Variants in CDH23 observed in about 807,000 individuals in gnomAD.
CDH23 encodes cadherin related 23.
CDH23 carries 189 observed loss-of-function variants against 317.1 expected under a neutral mutation model. The ratio of observed to expected loss-of-function variants is 0.60; its 90% CI spans 0.53 to 0.67. The LOEUF is 0.67. CDH23 is among the 30% of genes least tolerant of loss of function. CDH23 has a pLI of 0.00. For synonymous variants in CDH23, 1,839 were observed against 1,876.8 expected, an observed-to-expected ratio of 0.98 and a Z score of 0.52; for missense variants, 4,401 against 4,592.4, an observed-to-expected ratio of 0.96 and a Z score of 1.20.
intron 66 of CDH23, 177 bp downstream of exon 66, chr10:71,812,192 AG>A: frequency 6.3e-7 from 1 of 1,583,662 alleles, no homozygotes; most frequent in Non-Finnish European, 8.6e-7. Context: ...CGTGGCTGAC[AG>A]GGGCTCTCCA....
intron 9 of CDH23, among the ~76,000 whole-genome samples, chr10:71,608,921 CAG>C (rs1476040315): frequency 2.6e-5 from 4 of 152,232 alleles, no homozygotes; most frequent in Admixed American, 6.5e-5. Flanking sequence ...AGGCAGGACT[CAG>C]GGGCTGTTAG....
Position 71,778,224 on chromosome 10 carries a change from G to C in CDH23, c.5103G>C (p.Glu1701Asp), listed in dbSNP as rs754008515. ...CTGCTGCCAAAGAGCTGGACTACGA[G>C]ATCAGCCACGGCCGCTACACCCTGA... ...VITAAKELDY[E>D]ISHGRYTLIV... The change falls in exon 40 of 70, where the codon GAG becomes GAC. Residue 1701 changes from glutamate to aspartate, a missense_variant. Physicochemically the swap from Glu to Asp is conservative, Grantham distance 45 (BLOSUM62 2). Transcript: ENST00000224721. 3 of 1,613,844 alleles carry C rather than the reference G, an allele frequency of 1.9e-6. No individual in the cohort carries two copies. Among genetic ancestry groups the C allele is most frequent in the Non-Finnish European group, 2.5e-6 (3 of 1,179,824 alleles).
chr10:71,761,800 GCCTC>G, intron 38 of CDH23: 1 of 1,614,168 alleles, frequency 6.2e-7, no homozygotes, highest in Non-Finnish European at 8.5e-7. Context: ...CAGCCTGGTG[GCCTC>G]CATGGTGCAG....
At chr10:71,756,681 C>T (rs908977781) in intron 38 of CDH23, among the ~76,000 whole-genome samples, 1 of 152,182 alleles carries the variant, frequency 6.6e-6, no homozygotes, top group African/African-American at 2.4e-5. Context: ...AACAGACGTG[C>T]CCTCAGAACC....
At chr10:71,578,746 C>A (rs1331285254) in intron 9 of CDH23, among the ~76,000 whole-genome samples, 2 of 152,190 alleles carry the variant, frequency 1.3e-5, no homozygotes, top group Admixed American at 1.3e-4. Flanking sequence ...TACACAGCCT[C>A]CCTGCCCAAC....
chr10:71,460,207 A>G (rs774841003), intron 3 of CDH23, among the ~76,000 whole-genome samples: 7 of 152,220 alleles, frequency 4.6e-5, no homozygotes, highest in Admixed American at 1.3e-4. Context: ...GAGTGGATGA[A>G]GAGGAGAAAC....
In CDH23 at chr10:71,677,713, T is replaced by G; in HGVS notation, c.1752+20T>G. 1 of 1,521,354 alleles carries G rather than the reference T, an allele frequency of 6.6e-7. No individual in the cohort carries two copies. The allele number at this position is 1,521,354 out of a possible 1,614,324, so 94.2% of individuals were successfully genotyped here. On this transcript the variant is annotated intron_variant, in intron 16 of 69. Coordinates refer to ENST00000224721, the MANE Select transcript of CDH23 (RefSeq NM_022124.6). ...CTCCGGGTAAGGTGCCAGGGAGCCC[T>G]GCACTCCTGCCATTTATCTTAGCCT...
chr10:71,710,004 C>T (rs1265024863), intron 27 of CDH23, among the ~76,000 whole-genome samples: 1 of 152,130 alleles, frequency 6.6e-6, no homozygotes, highest in Admixed American at 6.5e-5. Context: ...TCTCATGAGA[C>T]TTATTTACTA....
chr10:71,530,514 T>C (rs1855311588), intron 6 of CDH23, among the ~76,000 whole-genome samples: 1 of 152,234 alleles, frequency 6.6e-6, no homozygotes, highest in South Asian at 2.1e-4. Flanking sequence ...TGTGCTGTCA[T>C]TCTTGTTGCC....
At chr10:71,790,738 C>G in intron 46 of CDH23, 1 of 463,904 alleles carries the variant, frequency 2.2e-6, no homozygotes, top group Non-Finnish European at 3.9e-6. Context: ...CAGAAGTAGC[C>G]AGAGCGACTT....
intron 3 of CDH23, among the ~76,000 whole-genome samples, chr10:71,502,202 A>G (rs1449013893): frequency 1.3e-5 from 2 of 152,212 alleles, no homozygotes; most frequent in Non-Finnish European, 2.9e-5. Flanking sequence ...GCAGAGGCAG[A>G]CCACTAGGTT....
Position 71,777,852 on chromosome 10 carries a change from C to T in CDH23, c.5018C>T (p.Ala1673Val), listed in dbSNP as rs558052046. ...GGTCCCAACGGCACAGTCACCTATG[C>T]CATCGTCGCAGGCAACATCGTCAAC... ...DEGPNGTVTY[A>V]IVAGNIVNTF... Residue 1673 changes from alanine to valine, a missense_variant, in exon 39 of 70, where the codon GCC becomes GTC. Physicochemically the swap from Ala to Val is moderately conservative, Grantham distance 64 (BLOSUM62 0). Coordinates refer to ENST00000224721, the MANE Select transcript of CDH23 (RefSeq NM_022124.6). 5 of 1,613,944 alleles carry T rather than the reference C, an allele frequency of 3.1e-6. No individual in the cohort carries two copies. The East Asian group carries it at 1.1e-4, about 36-fold the overall frequency.
intron 9 of CDH23, among the ~76,000 whole-genome samples, chr10:71,598,805 G>A (rs1860030217): frequency 6.6e-6 from 1 of 152,272 alleles, no homozygotes; most frequent in South Asian, 2.1e-4. Context: ...GTTTCTGCCT[G>A]TGTGAGCCAA....
intron 38 of CDH23, 100 bp from the exon 39 acceptor site, chr10:71,777,580 G>A: frequency 1.0e-6 from 1 of 991,808 alleles, no homozygotes; most frequent in Non-Finnish European, 1.5e-6. Context: ...CTTTCTGTTT[G>A]AGTCACATGG....
At chr10:71,562,786 G>A (rs763998186) in intron 6 of CDH23, among the ~76,000 whole-genome samples, 1 of 152,242 alleles carries the variant, frequency 6.6e-6, no homozygotes, top group Non-Finnish European at 1.5e-5. Flanking sequence ...CTCCTGCACT[G>A]TGCTCTGCTC....
intron 1 of CDH23, among the ~76,000 whole-genome samples, chr10:71,417,088 T>A (rs189496109): frequency 1.3e-5 from 2 of 151,564 alleles, no homozygotes; most frequent in African/African-American, 4.8e-5. Context: ...TTTTTTTTTT[T>A]AAATTGAGAC....
intron 57 of CDH23, among the ~76,000 whole-genome samples, chr10:71,806,579 ATTTTT>A (rs11323009): frequency 1.9e-4 from 25 of 130,612 alleles, no homozygotes; most frequent in Non-Finnish European, 3.5e-4. Flanking sequence ...ATCAGCTCTG[ATTTTT>A]TTTTTTTTTT....
At chr10:71,588,908 G>T (rs1377155227) in intron 9 of CDH23, among the ~76,000 whole-genome samples, 1 of 152,212 alleles carries the variant, frequency 6.6e-6, no homozygotes, top group Non-Finnish European at 1.5e-5. Context: ...GAGCCAGATG[G>T]ATTGTCTGCT....
At chr10:71,408,363 TAGA>T (rs1377044348) in intron 1 of CDH23, among the ~76,000 whole-genome samples, 1 of 151,654 alleles carries the variant, frequency 6.6e-6, no homozygotes, top group East Asian at 1.9e-4. Context: ...GTGTGTGTGT[TAGA>T]AGAAGAGAGA....
Sources: gnomAD v4.1 joint callset for allele counts (sites outside exome capture counted in the v4.1 genomes callset) on GRCh38, gnomAD v4.1.1 for gene constraint, MANE v1.5 for transcripts, NCBI Gene and HGNC (gene_info 2026-07-23, HGNC 2026-07-21) for gene names.